Variants in SLC6A5 observed in about 807,000 individuals in gnomAD.
SLC6A5 encodes solute carrier family 6 member 5, also known as sodium- and chloride-dependent glycine transporter 2.
A neutral mutation model predicts 90.5 loss-of-function variants in SLC6A5; 58 were observed. The ratio of observed to expected loss-of-function variants is 0.64; its 90% CI spans 0.52 to 0.80. The LOEUF (loss-of-function observed/expected upper bound fraction) is 0.80, where lower values mean the gene tolerates loss of function less well. Among genes scored for constraint, SLC6A5 ranks in the 30% least tolerant of loss-of-function variants. SLC6A5 has a pLI of 0.00. For synonymous variants in SLC6A5, 427 were observed against 401.4 expected (o/e 1.06, Z -0.76); for missense variants, 1,015 against 1,017.6 (o/e 1.00, Z 0.03).
At chr11:20,625,482 G>C (rs1417612234) in intron 7 of SLC6A5, among the ~76,000 whole-genome samples, 1 of 152,106 alleles carries the variant, frequency 6.6e-6, no homozygotes, top group Non-Finnish European at 1.5e-5. Flanking sequence ...GGCTGGTCTT[G>C]AACTCCTGAC....
intron 14 of SLC6A5, among the ~76,000 whole-genome samples, chr11:20,648,073 T>G (rs1853454984): frequency 6.6e-6 from 1 of 152,132 alleles, no homozygotes; most frequent in Non-Finnish European, 1.5e-5. Flanking sequence ...AACACAGCAA[T>G]TGACAGAGAT....
intron 7 of SLC6A5, among the ~76,000 whole-genome samples, chr11:20,620,555 A>G (rs762313912): frequency 2.1e-4 from 32 of 152,188 alleles, no homozygotes; most frequent in Non-Finnish European, 3.8e-4. Flanking sequence ...TCTCCACAGC[A>G]GTGGCTTTGT....
At chr11:20,644,456 A>G (rs1853371941) in intron 13 of SLC6A5, among the ~76,000 whole-genome samples, 1 of 152,222 alleles carries the variant, frequency 6.6e-6, no homozygotes, top group Non-Finnish European at 1.5e-5. Flanking sequence ...GTGTATGTAC[A>G]CCACACATTT....
chr11:20,609,108 G>A (rs1340955426), intron 5 of SLC6A5, among the ~76,000 whole-genome samples: 1 of 152,004 alleles, frequency 6.6e-6, no homozygotes, highest in Admixed American at 6.6e-5. Flanking sequence ...GACATGAAAG[G>A]CAGAGCAAAG....
chr11:20,624,494 T>G (rs1434481288), intron 7 of SLC6A5, among the ~76,000 whole-genome samples: 2 of 151,940 alleles, frequency 1.3e-5, no homozygotes, highest in Non-Finnish European at 2.9e-5. Flanking sequence ...CTTTCCCAAT[T>G]CATCTCCCCC....
chr11:20,630,252 G>A (rs1853082990), intron 9 of SLC6A5, among the ~76,000 whole-genome samples: 1 of 152,154 alleles, frequency 6.6e-6, no homozygotes, highest in Non-Finnish European at 1.5e-5. Flanking sequence ...GTCTTCATAT[G>A]GTGGAAGAGG....
chr11:20,605,381 G>C (rs562915900), intron 3 of SLC6A5, among the ~76,000 whole-genome samples: 1 of 152,300 alleles, frequency 6.6e-6, no homozygotes, highest in East Asian at 1.9e-4. Flanking sequence ...ACCACCGGAC[G>C]GTTAAAGCGC....
Position 20,628,081 on chromosome 11 carries a change from C to T in SLC6A5, c.1497C>T (p.Tyr499=). Residue 499 remains tyrosine (Y), a splice_region_variant and synonymous_variant, in exon 9 of 16, where the codon TAC becomes TAT. Transcript: ENST00000525748. ...ACAACAAATTCCACAACAACTGCTACAGGTATGTAGAGGTACTACAAGATC... is the reference window on the plus strand; with the variant it reads ...ACAACAAATTCCACAACAACTGCTATAGGTATGTAGAGGTACTACAAGATC... ...SSYNKFHNNC[Y]RDTLIVTCTN... 1.2e-6 allele frequency: 2 copies of T among 1,611,034 alleles called. No individual in the cohort carries two copies. The highest frequency in any genetic ancestry group is 1.7e-6 in the Non-Finnish European group (2 of 1,177,246).
intron 13 of SLC6A5, among the ~76,000 whole-genome samples, chr11:20,643,257 C>T (rs1277118259): frequency 6.6e-6 from 1 of 151,662 alleles, no homozygotes; most frequent in African/African-American, 2.4e-5. Context: ...AGAACTGAGG[C>T]CTGCTGTTGG....
At chr11:20,630,574 C>T (rs543435708) in intron 9 of SLC6A5, 117 bp from the exon 10 acceptor site, 131 of 1,199,236 alleles carry the variant, frequency 1.1e-4, no homozygotes, top group East Asian at 6.8e-4. Context: ...TGAACGTACA[C>T]GTATATGCCT....
At chr11:20,625,146 G>A (rs1852968299) in intron 7 of SLC6A5, among the ~76,000 whole-genome samples, 1 of 143,040 alleles carries the variant, frequency 7.0e-6, no homozygotes, top group African/African-American at 2.5e-5. Flanking sequence ...CCAAATCCTG[G>A]TCCCAAGCCC....
chr11:20,655,075 C>T lies in SLC6A5; in HGVS notation c.*207C>T. ...CATAGACCACCTGAAGCGCTGTTTG[C>T]CTGTGCCCATGGTGACTGTTTCTGG... On this transcript the variant is annotated 3_prime_UTR_variant, in exon 16 of 16. Coordinates refer to ENST00000525748, the MANE Select transcript of SLC6A5 (RefSeq NM_004211.5). 2 of 604,536 alleles carry T rather than the reference C, an allele frequency of 3.3e-6. No individual in the cohort carries two copies. Among genetic ancestry groups the T allele is most frequent in the Non-Finnish European group, 6.0e-6 (2 of 330,818 alleles). 37.4% of individuals were successfully genotyped at this position (604,536 alleles called of 1,614,324 possible).
At chr11:20,643,791 G>A (rs539215159) in intron 13 of SLC6A5, among the ~76,000 whole-genome samples, 2 of 152,292 alleles carry the variant, frequency 1.3e-5, no homozygotes, top group South Asian at 2.1e-4. Context: ...CCCAGCACAG[G>A]CTCCTCTACA....
intron 12 of SLC6A5, 89 bp downstream of exon 12, chr11:20,637,392 C>A: frequency 1.6e-6 from 2 of 1,216,070 alleles, no homozygotes; most frequent in Non-Finnish European, 2.4e-6. Flanking sequence ...AGCTCTCAGA[C>A]CTTATAATCA....
chr11:20,627,672 T>A (rs972482104), intron 8 of SLC6A5, among the ~76,000 whole-genome samples: 1 of 152,196 alleles, frequency 6.6e-6, no homozygotes, highest in Non-Finnish European at 1.5e-5. Context: ...TTTCTGAGAG[T>A]GTATTGACCT....
intron 7 of SLC6A5, 61 bp downstream of exon 7, chr11:20,617,945 G>A (rs1021257316): frequency 6.0e-6 from 9 of 1,511,688 alleles, no homozygotes; most frequent in Non-Finnish European, 7.3e-6. Flanking sequence ...TTGCTTTGGG[G>A]AGCAGGCAGA....
In SLC6A5 at chr11:20,646,989, GT is replaced by G. The variant is rs1299495489; in HGVS notation, c.2070+59del. 5 of 1,164,890 alleles carry G rather than the reference GT, an allele frequency of 4.3e-6. No homozygotes were observed. In the Admixed American group the frequency reaches 8.4e-5, roughly 20 times the overall value. The allele number at this position is 1,164,890 out of a possible 1,614,324, so 72.2% of individuals were successfully genotyped here. A position where few individuals can be genotyped will look rare whatever the true frequency, so the allele number is the denominator to read the frequency against. ...ACAGCACCTTGCATACGTATGTGGT[GT>G]TTTACATTTGAACAGTGCATGCCTG... On this transcript the variant is annotated intron_variant, in intron 14 of 15. Coordinates refer to ENST00000525748, the MANE Select transcript of SLC6A5 (RefSeq NM_004211.5).
chr11:20,627,325 A>C (rs572987497), intron 8 of SLC6A5, among the ~76,000 whole-genome samples: 3 of 152,346 alleles, frequency 2.0e-5, no homozygotes, highest in South Asian at 2.1e-4. Context: ...GTACAGGCAT[A>C]TCTAACTCTA....
chr11:20,600,389 A>AGAAGAG (rs1565269051), intron 1 of SLC6A5, among the ~76,000 whole-genome samples: 7 of 148,992 alleles, frequency 4.7e-5, no homozygotes, highest in African/African-American at 1.8e-4. Flanking sequence ...AAGAAGAAGA[A>AGAAGAG]GAAGAAGAAG....
Sources: gnomAD v4.1 joint callset for allele counts (sites outside exome capture counted in the v4.1 genomes callset) on GRCh38, gnomAD v4.1.1 for gene constraint, MANE v1.5 for transcripts, NCBI Gene and HGNC (gene_info 2026-07-23, HGNC 2026-07-21) for gene names.